Variants in RBFOX1 observed in about 807,000 individuals in gnomAD.
The protein encoded by RBFOX1 is RNA binding protein fox-1 homolog 1.
Under a neutral mutation model 57.7 loss-of-function variants are expected in RBFOX1, and 8 were observed. That is an observed-to-expected ratio of 0.14 (90% confidence interval 0.08 to 0.25). The LOEUF (loss-of-function observed/expected upper bound fraction) is 0.25. Ranked by LOEUF, RBFOX1 falls within the 10% of genes least tolerant of loss-of-function variation. The pLI is 1.00. For synonymous variants in RBFOX1, 326 were observed against 222.4 expected (o/e 1.47, Z -4.15); for missense variants, 611 against 548.5 (o/e 1.11, Z -1.14).
At chr16:6,658,287 T>C (rs1016870256) in intron 3 of RBFOX1, among the ~76,000 whole-genome samples, 1 of 151,970 alleles carries the variant, frequency 6.6e-6, no homozygotes. Flanking sequence ...AAATCTGGAT[T>C]GCAGTGGTGT....
At chr16:6,132,974 A>AAAAAG (rs61077851) in intron 1 of RBFOX1, among the ~76,000 whole-genome samples, 13,794 of 147,910 alleles carry the variant, frequency 0.093, 1,168 homozygotes, top group African/African-American at 0.21. Context: ...CAAAAAAAAA[A>AAAAAG]AAAAGAAAAG....
chr16:6,403,588 C>G (rs1218279349), intron 2 of RBFOX1, among the ~76,000 whole-genome samples: 1 of 152,108 alleles, frequency 6.6e-6, no homozygotes, highest in Non-Finnish European at 1.5e-5. Flanking sequence ...CTCCTGGGCT[C>G]ATGGGATCCT....
intron 3 of RBFOX1, among the ~76,000 whole-genome samples, chr16:6,970,463 TG>T (rs1367396860): frequency 2.0e-5 from 3 of 152,086 alleles, no homozygotes; most frequent in Non-Finnish European, 4.4e-5. Flanking sequence ...GTATCAACAA[TG>T]GGAGTACATT....
chr16:5,835,401 T>C (rs1450194932), intron 3 of RBFOX1, among the ~76,000 whole-genome samples: 1 of 152,204 alleles, frequency 6.6e-6, no homozygotes, highest in Non-Finnish European at 1.5e-5. Context: ...CACATCTGGA[T>C]TCATACTTGG....
intron 4 of RBFOX1, among the ~76,000 whole-genome samples, chr16:7,504,378 G>C (rs1281432889): frequency 2.0e-5 from 3 of 151,804 alleles, no homozygotes; most frequent in African/African-American, 7.3e-5. Flanking sequence ...ATCTACCTGG[G>C]TTCTGGATCT....
chr16:6,927,041 C>T (rs769715035), intron 3 of RBFOX1, among the ~76,000 whole-genome samples: 1 of 152,076 alleles, frequency 6.6e-6, no homozygotes, highest in Non-Finnish European at 1.5e-5. Context: ...CCCTTCGTTA[C>T]CTAAATCCAC....
chr16:6,440,051 C>T (rs930906921), intron 2 of RBFOX1, among the ~76,000 whole-genome samples: 11 of 151,092 alleles, frequency 7.3e-5, no homozygotes, highest in Non-Finnish European at 1.5e-4. Context: ...ATCCTCCTGC[C>T]TCAGCCTCCT....
chr16:6,278,548 C>T (rs1308580113), intron 1 of RBFOX1, among the ~76,000 whole-genome samples: 1 of 151,836 alleles, frequency 6.6e-6, no homozygotes, highest in South Asian at 2.1e-4. Flanking sequence ...AAAAAAATAA[C>T]AATTTTCCCC....
intron 2 of RBFOX1, among the ~76,000 whole-genome samples, chr16:5,490,272 C>G (rs763264694): frequency 2.6e-5 from 4 of 152,256 alleles, no homozygotes; most frequent in African/African-American, 4.8e-5. Context: ...TGGTAAGTGA[C>G]ATACATGCTT....
rs146885728 is a variant in RBFOX1 at position 6,930,391 on chromosome 16, C to T, written c.-15-121666C>T. 3.5e-4 allele frequency among the ~76,000 whole-genome samples: 54 copies of T among 152,182 alleles called. No individual in the cohort carries two copies. In the East Asian group the frequency reaches 0.01, roughly 29 times the overall value. On this transcript the variant is annotated intron_variant, in intron 3 of 15. Transcript: ENST00000550418. ...TCACAATGAGATACCACCTCACACCCATCAGGATGGCTATTTTTGTTATTG... is the reference window on the plus strand; with the variant it reads ...TCACAATGAGATACCACCTCACACCTATCAGGATGGCTATTTTTGTTATTG...
chr16:6,852,742 A>C (rs986987431), intron 3 of RBFOX1, among the ~76,000 whole-genome samples: 3 of 152,046 alleles, frequency 2.0e-5, no homozygotes, highest in South Asian at 2.1e-4. Context: ...CTAGCTGTCT[A>C]GGTGAGATGC....
At chr16:7,513,038 T>C (rs1053998195) in intron 4 of RBFOX1, among the ~76,000 whole-genome samples, 1 of 151,844 alleles carries the variant, frequency 6.6e-6, no homozygotes, top group African/African-American at 2.4e-5. Context: ...ACAAGGCAGA[T>C]GGATCACTTG....
chr16:6,584,869 A>T (rs1207667226), intron 2 of RBFOX1, among the ~76,000 whole-genome samples: 1 of 152,218 alleles, frequency 6.6e-6, no homozygotes, highest in Non-Finnish European at 1.5e-5. Flanking sequence ...TTTCAACAAA[A>T]AATGAGATGT....
At chr16:7,329,560 T>A (rs950096199) in intron 4 of RBFOX1, among the ~76,000 whole-genome samples, 2 of 152,256 alleles carry the variant, frequency 1.3e-5, no homozygotes, top group African/African-American at 4.8e-5. Flanking sequence ...TAGTAGTTGT[T>A]ATTTATTTAC....
chr16:5,264,156 A>G (rs2094667748), intron 1 of RBFOX1, among the ~76,000 whole-genome samples: 1 of 152,168 alleles, frequency 6.6e-6, no homozygotes, highest in Admixed American at 6.6e-5. Flanking sequence ...ATGAGGAGGC[A>G]GGAGAGGTGA....
intron 3 of RBFOX1, among the ~76,000 whole-genome samples, chr16:7,049,695 C>T (rs530323711): frequency 6.6e-6 from 1 of 152,056 alleles, no homozygotes; most frequent in East Asian, 1.9e-4. Flanking sequence ...GTTCCCCCCT[C>T]CACTTGCTGC....
chr16:6,278,212 T>G (rs2076025553), intron 1 of RBFOX1, among the ~76,000 whole-genome samples: 2 of 151,978 alleles, frequency 1.3e-5, no homozygotes, highest in South Asian at 4.2e-4. Flanking sequence ...TTCGGCTCAG[T>G]CCCCTTTTGA....
At chr16:5,985,575 C>A (rs1475084954) in intron 4 of RBFOX1, among the ~76,000 whole-genome samples, 1 of 152,192 alleles carries the variant, frequency 6.6e-6, no homozygotes, top group Non-Finnish European at 1.5e-5. Flanking sequence ...AGGCAGCCAG[C>A]TCCAAGGCTA....
At chr16:6,994,424 A>G (rs148091998) in intron 3 of RBFOX1, among the ~76,000 whole-genome samples, 11 of 152,158 alleles carry the variant, frequency 7.2e-5, no homozygotes, top group Non-Finnish European at 1.5e-4. Flanking sequence ...CAGGCACCCA[A>G]TTGTAAAAAC....
Sources: allele counts gnomAD v4.1 joint callset (sites outside exome capture counted in the v4.1 genomes callset), GRCh38; gene constraint gnomAD v4.1.1; transcripts MANE v1.5; gene names NCBI Gene and HGNC (gene_info 2026-07-23, HGNC 2026-07-21).